SMYD3: variants seen among roughly 807,000 people sequenced by gnomAD.
SMYD3 encodes histone-lysine N-methyltransferase SMYD3.
In SMYD3, 36 loss-of-function variants were observed where a neutral mutation model predicts 57.7. The ratio of observed to expected loss-of-function variants is 0.62; its 90% CI spans 0.48 to 0.82. The LOEUF (loss-of-function observed/expected upper bound fraction) is 0.82. Ranked by LOEUF, SMYD3 falls within the 40% of genes least tolerant of loss-of-function variation. The probability of loss-of-function intolerance (pLI) is 0.00; values close to 1 mark genes in which losing one functional copy is unlikely to be tolerated. For missense variants in SMYD3, 515 were observed against 538.8 expected (o/e 0.96, Z 0.44); for synonymous variants, 211 against 195.0 (o/e 1.08, Z -0.68).
intron 5 of SMYD3, chr1:246,321,905 T>A (rs12028518): frequency 0.059 from 8,712 of 146,880 alleles, 383 homozygotes; most frequent in East Asian, 0.14. Flanking sequence ...TGTACCACCC[T>A]GCTCTCAGCT....
At chr1:245,816,021 T>A (rs1483670935) in intron 10 of SMYD3, among the ~76,000 whole-genome samples, 1 of 152,158 alleles carries the variant, frequency 6.6e-6, no homozygotes, top group African/African-American at 2.4e-5. Flanking sequence ...AAAAGAACAG[T>A]GCACCTCTGT....
At chr1:245,995,193 A>G (rs2058900745) in intron 5 of SMYD3, among the ~76,000 whole-genome samples, 1 of 152,208 alleles carries the variant, frequency 6.6e-6, no homozygotes, top group Admixed American at 6.5e-5. Flanking sequence ...TGTCCAGTAA[A>G]CAAATTGTCA....
chr1:246,032,858 G>C (rs1572918000), intron 5 of SMYD3, among the ~76,000 whole-genome samples: 2 of 152,258 alleles, frequency 1.3e-5, no homozygotes, highest in Admixed American at 1.3e-4. Context: ...GCAGACATGG[G>C]TTCAAGTACT....
intron 10 of SMYD3, among the ~76,000 whole-genome samples, chr1:245,827,760 G>A (rs1395959900): frequency 4.6e-5 from 7 of 152,154 alleles, no homozygotes; most frequent in African/African-American, 1.7e-4. Flanking sequence ...AGAGCTGGGT[G>A]GGCCCTGCCT....
chr1:246,258,884 C>A (rs888231997), intron 5 of SMYD3, among the ~76,000 whole-genome samples: 4 of 152,088 alleles, frequency 2.6e-5, no homozygotes, highest in Non-Finnish European at 5.9e-5. Context: ...TTACATAATC[C>A]CATATTTCTC....
intron 5 of SMYD3, chr1:246,322,567 A>C (rs1029473569): frequency 3.3e-5 from 5 of 152,182 alleles, no homozygotes; most frequent in Non-Finnish European, 7.3e-5. Context: ...AAATAATCAC[A>C]TCTCCTGTGT....
intron 1 of SMYD3, among the ~76,000 whole-genome samples, chr1:246,467,705 C>A (rs1049185056): frequency 6.6e-6 from 1 of 152,178 alleles, no homozygotes; most frequent in African/African-American, 2.4e-5. Context: ...AGTACTAATT[C>A]TTCTCAAACT....
At chr1:245,797,779 G>A (rs1046514405) in intron 10 of SMYD3, among the ~76,000 whole-genome samples, 14 of 143,568 alleles carry the variant, frequency 9.8e-5, no homozygotes, top group Non-Finnish European at 1.6e-4. Flanking sequence ...CCTACTGGCC[G>A]GTTTTCAAAG....
intron 1 of SMYD3, among the ~76,000 whole-genome samples, chr1:246,367,229 T>C (rs1393342859): frequency 6.6e-6 from 1 of 152,058 alleles, no homozygotes; most frequent in Non-Finnish European, 1.5e-5. Flanking sequence ...ACTTGACATG[T>C]TTAAGGAGAA....
At chr1:246,138,892 C>T (rs998322603) in intron 5 of SMYD3, among the ~76,000 whole-genome samples, 1 of 152,108 alleles carries the variant, frequency 6.6e-6, no homozygotes. Context: ...TAACTCAAGA[C>T]TTTGTAAAGC....
At chr1:245,838,483 A>C (rs1374248710) in intron 10 of SMYD3, among the ~76,000 whole-genome samples, 3 of 152,248 alleles carry the variant, frequency 2.0e-5, no homozygotes, top group African/African-American at 7.2e-5. Flanking sequence ...TGAGGTGCTC[A>C]ACTCTCTGAG....
intron 2 of SMYD3, among the ~76,000 whole-genome samples, chr1:246,343,313 G>A (rs562777168): frequency 4.0e-4 from 61 of 152,266 alleles, no homozygotes; most frequent in Non-Finnish European, 4.7e-4. Context: ...AGCTGAATAC[G>A]GTAGGTGAGC....
At chr1:246,321,309 A>G (rs2065243534) in intron 5 of SMYD3, among the ~76,000 whole-genome samples, 1 of 152,238 alleles carries the variant, frequency 6.6e-6, no homozygotes, top group Admixed American at 6.5e-5. Context: ...GGTGGGAGCA[A>G]CAGTAGTAGA....
At chr1:245,826,045 TAAA>T (rs2049472861) in intron 10 of SMYD3, among the ~76,000 whole-genome samples, 1 of 141,932 alleles carries the variant, frequency 7.0e-6, no homozygotes, top group African/African-American at 2.8e-5. Flanking sequence ...AAATATTTGT[TAAA>T]TAAAAATGGA....
intron 5 of SMYD3, among the ~76,000 whole-genome samples, chr1:246,238,892 G>GT (rs1572261067): frequency 7.9e-6 from 1 of 127,008 alleles, no homozygotes; most frequent in Non-Finnish European, 1.6e-5. Context: ...TTCTTTGTTT[G>GT]GTTTTTTTTT....
chr1:246,224,114 C>G (rs544006473), intron 5 of SMYD3, among the ~76,000 whole-genome samples: 1 of 152,134 alleles, frequency 6.6e-6, no homozygotes, highest in Admixed American at 6.5e-5. Context: ...GAGAACAAGA[C>G]TGGCAAAAGG....
chr1:246,461,330 T>A (rs939550066), intron 1 of SMYD3, among the ~76,000 whole-genome samples: 14 of 152,168 alleles, frequency 9.2e-5, no homozygotes, highest in African/African-American at 3.4e-4. Flanking sequence ...ACCTAGTACA[T>A]GTAGCTCCAG....
rs149655184 is a variant in SMYD3, at chr1:246,340,043, A to G, written c.229-4569T>C. On this transcript the variant is annotated intron_variant, in intron 2 of 11. Transcript: ENST00000490107. The stretch of plus-strand genomic sequence containing the variant: ...AGACAAGGGCATTCCATGAGTAGCT[A>G]AAGTTGAAAAACCACTGAGTTAAAC... Among the ~76,000 whole-genome samples, 302 of 152,322 alleles carry G rather than the reference A, an allele frequency of 2.0e-3. 2 individuals are homozygous for G. The highest frequency in any genetic ancestry group is 6.9e-3 in the African/African-American group (288 of 41,568).
At chr1:246,208,429 C>A (rs1177381682) in intron 5 of SMYD3, among the ~76,000 whole-genome samples, 1 of 152,114 alleles carries the variant, frequency 6.6e-6, no homozygotes, top group Non-Finnish European at 1.5e-5. Flanking sequence ...GTTAAATATT[C>A]TGAATAGTTC....
Sources: allele counts gnomAD v4.1 joint callset (sites outside exome capture counted in the v4.1 genomes callset), GRCh38; gene constraint gnomAD v4.1.1; transcripts MANE v1.5; gene names NCBI Gene and HGNC (gene_info 2026-07-23, HGNC 2026-07-21).